GRIK3: variants seen among roughly 807,000 people sequenced by gnomAD.
GRIK3 encodes the protein glutamate ionotropic receptor kainate type subunit 3.
Under a neutral mutation model 102.5 loss-of-function variants are expected in GRIK3, and 29 were observed. The observed-to-expected ratio is 0.28, with a 90% CI of 0.21 to 0.39. GRIK3 has a LOEUF of 0.39. Among genes scored for constraint, GRIK3 ranks in the 10% least tolerant of loss-of-function variants. GRIK3 has a pLI of 1.00. For synonymous variants in GRIK3, 511 were observed against 504.9 expected (o/e 1.01, Z -0.16); for missense variants, 908 against 1,252.4 (o/e 0.73, Z 4.15).
chr1:36,953,068 T>C (rs1029099374), intron 1 of GRIK3, among the ~76,000 whole-genome samples: 3 of 152,240 alleles, frequency 2.0e-5, no homozygotes, highest in Non-Finnish European at 4.4e-5. Context: ...GAAGAGACTG[T>C]GCTCAAGTGC....
intron 1 of GRIK3, among the ~76,000 whole-genome samples, chr1:36,952,543 A>T (rs761752437): frequency 2.2e-4 from 33 of 152,194 alleles, no homozygotes; most frequent in Non-Finnish European, 4.0e-4. Flanking sequence ...TGGATCCCTG[A>T]CAGGGTTGGA....
rs565566668 is a variant in GRIK3, at chr1:36,827,014, G to A, written c.1531-1188C>T. ...CTGCACATTCCACACTGTTTAGGAT[G>A]TCCTCTTCTTATAGTCTCATTCCCA... is the stretch of plus-strand genomic sequence containing the variant. On this transcript the variant is annotated intron_variant, in intron 10 of 15. Transcript: ENST00000373091. Among the ~76,000 whole-genome samples the A allele has an allele frequency of 3.3e-5, 5 of 152,198 alleles. No homozygotes were observed. In the East Asian group the frequency reaches 9.7e-4, roughly 29 times the overall value.
At chr1:36,861,240 C>T (rs1224606402) in intron 5 of GRIK3, among the ~76,000 whole-genome samples, 16 of 152,190 alleles carry the variant, frequency 1.1e-4, no homozygotes, top group Admixed American at 1.0e-3. Flanking sequence ...GCATAAGACT[C>T]ATGGTTTTGA....
At chr1:36,877,061 A>G (rs974631513) in intron 3 of GRIK3, among the ~76,000 whole-genome samples, 1 of 152,198 alleles carries the variant, frequency 6.6e-6, no homozygotes, top group Non-Finnish European at 1.5e-5. Flanking sequence ...AGGTAATTCC[A>G]GGCCATCAGA....
intron 1 of GRIK3, among the ~76,000 whole-genome samples, chr1:36,927,898 C>T (rs1376636437): frequency 4.0e-5 from 6 of 151,896 alleles, no homozygotes; most frequent in Admixed American, 1.3e-4. Context: ...CCTGATTTCA[C>T]GGATTTAAGA....
At chr1:36,891,467 A>G (rs573745434) in intron 1 of GRIK3, among the ~76,000 whole-genome samples, 2 of 152,368 alleles carry the variant, frequency 1.3e-5, no homozygotes, top group South Asian at 4.1e-4. Context: ...AAAGAAATCT[A>G]TGAATATCAT....
chr1:36,859,319 C>G, intron 6 of GRIK3, 68 bp from the exon 7 acceptor site: 1 of 1,494,050 alleles, frequency 6.7e-7, no homozygotes, highest in Non-Finnish European at 9.1e-7. Context: ...CCTGCCCTGT[C>G]CCCCTTCTCC....
At chr1:36,852,599 T>G (rs2124230104) in intron 8 of GRIK3, among the ~76,000 whole-genome samples, 1 of 152,320 alleles carries the variant, frequency 6.6e-6, no homozygotes, top group East Asian at 1.9e-4. Context: ...TCTGGATGGC[T>G]GGAGGGCTCA....
In GRIK3 at chr1:36,982,450, A is replaced by C. The variant is rs556410778; in HGVS notation, c.115+51544T>G. ...TGAAAGCCTCGCGTCCTTGCTACTT[A>C]ATGTGTGGCATATGGACTGCAGCAT... On this transcript the variant is annotated intron_variant, in intron 1 of 15. Coordinates refer to ENST00000373091, the MANE Select transcript of GRIK3 (RefSeq NM_000831.4). Among the ~76,000 whole-genome samples the C allele has an allele frequency of 2.6e-5, 4 of 152,322 alleles. No homozygotes were observed. In the East Asian group the frequency reaches 7.7e-4, roughly 29 times the overall value.
intron 1 of GRIK3, among the ~76,000 whole-genome samples, chr1:36,907,561 A>G (rs369226129): frequency 1.3e-5 from 2 of 152,318 alleles, no homozygotes; most frequent in African/African-American, 4.8e-5. Context: ...AGAGTGAGTC[A>G]GGGCAGAGAA....
intron 1 of GRIK3, among the ~76,000 whole-genome samples, chr1:36,942,981 T>C (rs1641743994): frequency 6.6e-6 from 1 of 152,140 alleles, no homozygotes; most frequent in Non-Finnish European, 1.5e-5. Context: ...AACAACTACA[T>C]GAAGCTATGT....
intron 1 of GRIK3, among the ~76,000 whole-genome samples, chr1:37,022,784 T>G (rs1642728913): frequency 6.6e-6 from 1 of 152,246 alleles, no homozygotes; most frequent in Admixed American, 6.5e-5. Context: ...CAACAAATAT[T>G]TATTAATTAT....
Position 36,798,960 on chromosome 1 carries a change from C to A in GRIK3, c.*2891G>T, listed in dbSNP as rs960743758. ...TGTCACAATCCACATATATGCATAG[C>A]CTCTGAAGAACATGCTCATGTAGCA... On this transcript the variant is annotated 3_prime_UTR_variant, in exon 16 of 16. Transcript: ENST00000373091. The A allele has an allele frequency of 6.6e-6, 1 of 152,230 alleles. No homozygotes were observed. The highest frequency in any genetic ancestry group is 1.5e-5 in the Non-Finnish European group (1 of 68,038). 9.4% of individuals were successfully genotyped at this position (152,230 alleles called of 1,614,324 possible).
rs113062583 is a variant in GRIK3, at chr1:36,940,908, G to A, written c.116-49812C>T. Among the ~76,000 whole-genome samples the A allele has an allele frequency of 5.0e-3, 763 of 152,266 alleles. 7 individuals are homozygous for A. The highest frequency in any genetic ancestry group is 0.018 in the African/African-American group (735 of 41,532). ...CATTCTTCAGGGAAATATATCTCAG[G>A]GAGGAGCCTGTGGTTCCCAATCAGA... is the stretch of plus-strand genomic sequence containing the variant. On this transcript the variant is annotated intron_variant, in intron 1 of 15. Coordinates refer to ENST00000373091, the MANE Select transcript of GRIK3 (RefSeq NM_000831.4).
chr1:37,019,254 G>T (rs1642684842), intron 1 of GRIK3, among the ~76,000 whole-genome samples: 1 of 152,154 alleles, frequency 6.6e-6, no homozygotes, highest in Admixed American at 6.5e-5. Flanking sequence ...CCCTGGAGGG[G>T]GATAAATGTG....
At chr1:36,925,028 T>G (rs1160227429) in intron 1 of GRIK3, among the ~76,000 whole-genome samples, 2 of 152,230 alleles carry the variant, frequency 1.3e-5, no homozygotes, top group Non-Finnish European at 2.9e-5. Flanking sequence ...CTAATGCTCC[T>G]GACAACCCAA....
In GRIK3 at chr1:36,872,358, G is replaced by A. The variant is rs78341238; in HGVS notation, c.562C>T (p.Leu188=). The change falls in exon 4 of 16, where the codon CTG becomes TTG. Residue 188 remains leucine, a synonymous_variant. Transcript: ENST00000373091. This position sits in a 1 kb window ranked among gnomAD's most constrained non-coding sequence, Gnocchi z 5.9. Reference sequence around the variant, plus strand: ...GATGGGGCCATGATGAGCTCCTGCAGTCGGATGAGCCCTGAGGGGCCATGG... The same window carrying A: ...GATGGGGCCATGATGAGCTCCTGCAATCGGATGAGCCCTGAGGGGCCATGG... ...VYDDSTGLIR[L]QELIMAPSRY... is the part of the protein sequence containing the mutation. 4.2e-3 allele frequency: 6,692 copies of A among 1,600,744 alleles called. 21 individuals are homozygous for A. Among genetic ancestry groups the A allele is most frequent in the Non-Finnish European group, 5.2e-3 (6,122 of 1,171,838 alleles).
At chr1:36,871,727 A>G (rs1356732790) in intron 4 of GRIK3, among the ~76,000 whole-genome samples, 1 of 152,182 alleles carries the variant, frequency 6.6e-6, no homozygotes, top group Admixed American at 6.5e-5. Context: ...GCTCCCAGTA[A>G]TAGGAGAGTA....
chr1:36,957,468 CTCTGTGAGTCTGTGCCCCGTGAG>C (rs1570822478), intron 1 of GRIK3, among the ~76,000 whole-genome samples: 25 of 125,300 alleles, frequency 2.0e-4, no homozygotes, highest in South Asian at 5.3e-4. Context: ...AGCCTATGTG[CTCTGTGAGTCTGTGCCCCGTGAG>C]CCTGTGTGCC....
Sources: gnomAD v4.1 joint callset for allele counts (sites outside exome capture counted in the v4.1 genomes callset) on GRCh38, gnomAD v4.1.1 for gene constraint, Gnocchi (gnomAD v3.1) non-coding constraint, MANE v1.5 for transcripts, NCBI Gene and HGNC (gene_info 2026-07-23, HGNC 2026-07-21) for gene names.